SOX6: variants seen among roughly 807,000 people sequenced by gnomAD.
The protein encoded by SOX6 is transcription factor SOX-6.
A neutral mutation model predicts 97.8 loss-of-function variants in SOX6; 11 were observed. The observed-to-expected ratio is 0.11, with a 90% confidence interval of 0.07 to 0.19. SOX6 has a LOEUF of 0.19. Ranked by LOEUF, SOX6 falls within the 10% of genes least tolerant of loss-of-function variation. The probability of loss-of-function intolerance (pLI) is 1.00; values close to 1 mark genes in which losing one functional copy is unlikely to be tolerated. For missense variants in SOX6, 810 were observed against 1,039.5 expected, an observed-to-expected ratio of 0.78 and a Z score of 3.04; for synonymous variants, 360 against 371.4, an observed-to-expected ratio of 0.97 and a Z score of 0.35.
intron 4 of SOX6, among the ~76,000 whole-genome samples, chr11:16,566,063 T>G (rs1847870321): frequency 7.1e-6 from 1 of 139,884 alleles, no homozygotes; most frequent in Admixed American, 7.5e-5. Context: ...GCCACTGCAC[T>G]CCAGCCTAGG....
chr11:16,727,436 CT>C (rs72382796), intron 2 of SOX6, among the ~76,000 whole-genome samples: 54 of 144,442 alleles, frequency 3.7e-4, no homozygotes, highest in East Asian at 4.0e-4. Flanking sequence ...TCACTTTCTT[CT>C]TTTTTTTTTT....
intron 3 of SOX6, among the ~76,000 whole-genome samples, chr11:16,262,772 G>A (rs1055339867): frequency 1.3e-5 from 2 of 152,124 alleles, no homozygotes; most frequent in East Asian, 3.9e-4. Context: ...GTAACATCTT[G>A]AGTTCAGATC....
At chr11:16,663,910 A>G (rs1248575663) in intron 3 of SOX6, among the ~76,000 whole-genome samples, 1 of 152,202 alleles carries the variant, frequency 6.6e-6, no homozygotes, top group Non-Finnish European at 1.5e-5. Context: ...CAGCACATTT[A>G]TATTTCAATT....
chr11:16,014,996 C>A lies in SOX6; in HGVS notation c.1678G>T (p.Asp560Tyr), dbSNP rs746874103. ...ATGACACCTGGGCCCAGTTTTCCATCTTCATTTGACTTTCCCGTTAACTGG... is the reference window on the plus strand; with the variant it reads ...ATGACACCTGGGCCCAGTTTTCCATATTCATTTGACTTTCCCGTTAACTGG... ...GPQLTGKSNE[D>Y]GKLGPGVIDL... Residue 560 changes from aspartate to tyrosine, a missense_variant, in exon 13 of 16, where the codon GAT (aspartate) becomes TAT (tyrosine). Physicochemically the swap from Asp to Tyr is radical, Grantham distance 160 (BLOSUM62 -3). Transcript: ENST00000683767. 11 of 1,612,948 alleles carry A rather than the reference C, an allele frequency of 6.8e-6. No homozygotes were observed. In the South Asian group the frequency reaches 8.8e-5, roughly 13 times the overall value.
chr11:16,559,583 T>C (rs1427039821), intron 4 of SOX6, among the ~76,000 whole-genome samples: 1 of 152,114 alleles, frequency 6.6e-6, no homozygotes, highest in Non-Finnish European at 1.5e-5. Flanking sequence ...CAATACACCA[T>C]TTACACCTAT....
At chr11:16,449,385 C>A (rs964590115) in intron 1 of SOX6, among the ~76,000 whole-genome samples, 1 of 146,616 alleles carries the variant, frequency 6.8e-6, no homozygotes, top group Non-Finnish European at 1.5e-5. Context: ...CTCCGCCTCC[C>A]GGGTTCGCGC....
At chr11:16,589,497 C>CA (rs1241896556) in intron 4 of SOX6, among the ~76,000 whole-genome samples, 2 of 151,908 alleles carry the variant, frequency 1.3e-5, no homozygotes, top group Non-Finnish European at 2.9e-5. Context: ...ATGATTCTTC[C>CA]AAAAAAACTA....
chr11:16,198,271 T>C (rs1169276987), intron 4 of SOX6, among the ~76,000 whole-genome samples: 1 of 146,098 alleles, frequency 6.8e-6, no homozygotes, highest in South Asian at 2.2e-4. Context: ...AGATGGGGTT[T>C]CACCATGTTG....
chr11:16,505,266 G>A lies in SOX6; in HGVS notation n.610-28878C>T, dbSNP rs564999848. Among the ~76,000 whole-genome samples the A allele has an allele frequency of 1.1e-4, 16 of 152,286 alleles. No individual in the cohort carries two copies. In the East Asian group the frequency reaches 3.1e-3, roughly 29 times the overall value. ...GGAGATGAGGAACTTATTGGGAACTGGAGCAAAGGTCACTCTTGCTATGCT... is the reference window on the plus strand; with the variant it reads ...GGAGATGAGGAACTTATTGGGAACTAGAGCAAAGGTCACTCTTGCTATGCT... On this transcript the variant is annotated intron_variant and non_coding_transcript_variant, in intron 4 of 5. Coordinates refer to the SOX6 transcript ENST00000524520.
At chr11:16,722,615 C>A (rs778565558) in intron 2 of SOX6, among the ~76,000 whole-genome samples, 6 of 151,944 alleles carry the variant, frequency 3.9e-5, no homozygotes, top group Non-Finnish European at 8.8e-5. Flanking sequence ...CACACCACTG[C>A]ACTCCAGCCT....
chr11:16,304,595 T>C (rs984222190), intron 3 of SOX6, among the ~76,000 whole-genome samples: 2 of 152,208 alleles, frequency 1.3e-5, no homozygotes, highest in Non-Finnish European at 2.9e-5. Context: ...ACTCAGTTTA[T>C]AGTATTTTGT....
intron 4 of SOX6, among the ~76,000 whole-genome samples, chr11:16,525,036 T>C (rs369164809): frequency 6.6e-6 from 1 of 152,084 alleles, no homozygotes; most frequent in East Asian, 1.9e-4. Flanking sequence ...GACTCAATAT[T>C]GTGAAAATGG....
At chr11:16,492,319 TC>T (rs1267180980) in intron 4 of SOX6, among the ~76,000 whole-genome samples, 1 of 152,138 alleles carries the variant, frequency 6.6e-6, no homozygotes, top group Non-Finnish European at 1.5e-5. Flanking sequence ...CAATGGACAG[TC>T]CCATGCAAGC....
At chr11:16,053,208 C>T (rs1272325462) in intron 10 of SOX6, among the ~76,000 whole-genome samples, 2 of 152,146 alleles carry the variant, frequency 1.3e-5, no homozygotes, top group Non-Finnish European at 2.9e-5. Context: ...GTGCCTGCCT[C>T]ACTTGTTTCT....
intron 3 of SOX6, among the ~76,000 whole-genome samples, chr11:16,262,336 T>G (rs1032463263): frequency 5.9e-5 from 9 of 152,016 alleles, no homozygotes; most frequent in African/African-American, 2.2e-4. Flanking sequence ...GAACATATAG[T>G]AAAATATATA....
chr11:16,110,716 C>A (rs1013997890), intron 7 of SOX6, among the ~76,000 whole-genome samples: 3 of 152,100 alleles, frequency 2.0e-5, no homozygotes, highest in African/African-American at 4.8e-5. Flanking sequence ...CTATCAAATA[C>A]AAAAGAGTAA....
At chr11:16,352,904 A>G (rs1235523192) in intron 1 of SOX6, among the ~76,000 whole-genome samples, 1 of 152,050 alleles carries the variant, frequency 6.6e-6, no homozygotes, top group Non-Finnish European at 1.5e-5. Context: ...TTTGACAACA[A>G]AATTGGTTGA....
intron 3 of SOX6, among the ~76,000 whole-genome samples, chr11:16,276,152 T>C (rs1023990608): frequency 1.3e-5 from 2 of 152,192 alleles, no homozygotes; most frequent in Admixed American, 6.5e-5. Flanking sequence ...AGTCCAAACT[T>C]ACTTCTACCA....
intron 3 of SOX6, among the ~76,000 whole-genome samples, chr11:16,664,714 G>A (rs979816413): frequency 1.3e-5 from 2 of 152,040 alleles, no homozygotes; most frequent in African/African-American, 2.4e-5. Context: ...CCACCAGCCA[G>A]GGAAGCCAAG....
Sources: gnomAD v4.1 joint callset for allele counts (sites outside exome capture counted in the v4.1 genomes callset) on GRCh38, gnomAD v4.1.1 for gene constraint, MANE v1.5 for transcripts, NCBI Gene and HGNC (gene_info 2026-07-23, HGNC 2026-07-21) for gene names.